AAK1: variants seen among roughly 807,000 people sequenced by gnomAD.
AAK1 encodes the protein AP2-associated protein kinase 1.
AAK1 carries 37 observed loss-of-function variants against 116.0 expected under a neutral mutation model. The observed-to-expected ratio is 0.32, with a 90% confidence interval of 0.25 to 0.42. The LOEUF (loss-of-function observed/expected upper bound fraction) is 0.42. Ranked by LOEUF, AAK1 falls within the 10% of genes least tolerant of loss-of-function variation. AAK1 has a pLI of 1.00. For synonymous variants in AAK1, 458 were observed against 439.9 expected, an observed-to-expected ratio of 1.04 and a Z score of -0.51; for missense variants, 919 against 1,170.6, an observed-to-expected ratio of 0.79 and a Z score of 3.14.
At chr2:69,530,496 C>A (rs965130311) in intron 7 of AAK1, 129 bp downstream of exon 7, 1 of 692,980 alleles carries the variant, frequency 1.4e-6, no homozygotes, top group South Asian at 2.2e-5. Flanking sequence ...TCAAGAATAA[C>A]CTTGAGGGGT....
chr2:69,475,819 G>T lies in AAK1; in HGVS notation c.*50C>A. 2.6e-6 allele frequency: 4 copies of T among 1,547,980 alleles called. No homozygotes were observed. Among genetic ancestry groups the T allele is most frequent in the Non-Finnish European group, 2.6e-6 (3 of 1,143,260 alleles). On this transcript the variant is annotated 3_prime_UTR_variant, in exon 22 of 22. Transcript: ENST00000409085. ...TTTTTCATAACTCCGTAATGAAAAT[G>T]TATTTTACGGTATGAAGGTTACAGA...
intron 10 of AAK1, 33 bp downstream of exon 10, chr2:69,525,000 A>G: frequency 6.3e-7 from 1 of 1,594,464 alleles, no homozygotes; most frequent in Non-Finnish European, 8.6e-7. Flanking sequence ...TGGCAATCCA[A>G]GGAGGACATG....
intron 8 of AAK1, among the ~76,000 whole-genome samples, chr2:69,529,576 G>A (rs1389322534): frequency 6.6e-6 from 1 of 152,162 alleles, no homozygotes; most frequent in African/African-American, 2.4e-5. Context: ...AGAAAAACCT[G>A]GTTCCACGGA....
chr2:69,474,442 G>C lies in AAK1; in HGVS notation c.*1427C>G, dbSNP rs1217688847. On this transcript the variant is annotated 3_prime_UTR_variant, in exon 22 of 22. Coordinates refer to ENST00000409085, the MANE Select transcript of AAK1 (RefSeq NM_014911.5). The stretch of plus-strand genomic sequence containing the variant: ...ACTTTAATGAGTAAGTACATATAGA[G>C]AGGGTGACCATGAGGCATGTTGTCA... The C allele has an allele frequency of 1.0e-6, 1 of 985,622 alleles. No individual in the cohort carries two copies. The highest frequency in any genetic ancestry group is 1.1e-4 in the East Asian group (1 of 8,834). 61.1% of individuals were successfully genotyped at this position (985,622 alleles called of 1,614,324 possible).
chr2:69,497,767 G>A (rs1035794761), intron 16 of AAK1, among the ~76,000 whole-genome samples: 10 of 152,114 alleles, frequency 6.6e-5, no homozygotes, highest in African/African-American at 2.4e-4. Context: ...ACCACAAGAA[G>A]TTCCTGCACA....
At chr2:69,523,601 C>T (rs181653008) in intron 10 of AAK1, among the ~76,000 whole-genome samples, 1 of 152,350 alleles carries the variant, frequency 6.6e-6, no homozygotes, top group Non-Finnish European at 1.5e-5. Context: ...ATCTCCTGCG[C>T]TACCTCTAGA....
intron 2 of AAK1, among the ~76,000 whole-genome samples, chr2:69,580,684 G>A (rs2105142037): frequency 6.6e-6 from 1 of 152,216 alleles, no homozygotes; most frequent in East Asian, 1.9e-4. Flanking sequence ...TTTTATTTCA[G>A]CTCGTTTAAG....
intron 2 of AAK1, among the ~76,000 whole-genome samples, chr2:69,565,293 G>C (rs1440160957): frequency 6.6e-6 from 1 of 152,226 alleles, no homozygotes; most frequent in Non-Finnish European, 1.5e-5. Context: ...CTTTAGGTGA[G>C]AGCTCCTGAT....
intron 16 of AAK1, among the ~76,000 whole-genome samples, chr2:69,498,407 G>C (rs1675837470): frequency 6.6e-6 from 1 of 151,900 alleles, no homozygotes; most frequent in Non-Finnish European, 1.5e-5. Flanking sequence ...TGAGGAGGAT[G>C]CTCTGGGGTC....
intron 2 of AAK1, among the ~76,000 whole-genome samples, chr2:69,561,767 C>T (rs531485396): frequency 3.5e-4 from 53 of 152,252 alleles, no homozygotes; most frequent in African/African-American, 1.2e-3. Context: ...CTCACCACCC[C>T]GTGTATTAAA....
intron 2 of AAK1, among the ~76,000 whole-genome samples, chr2:69,569,154 C>T (rs1365564982): frequency 6.6e-6 from 1 of 152,090 alleles, no homozygotes; most frequent in African/African-American, 2.4e-5. Flanking sequence ...TTCATTAGTC[C>T]CTTCGAGCCA....
chr2:69,500,698 T>TATATATACACACAC, intron 16 of AAK1, among the ~76,000 whole-genome samples: 35 of 65,088 alleles, frequency 5.4e-4, no homozygotes, highest in African/African-American at 2.4e-3. Context: ...TATATATATA[T>TATATATACACACAC]ACACACACAC....
chr2:69,623,682 C>T (rs760170355), intron 2 of AAK1, among the ~76,000 whole-genome samples: 6 of 152,118 alleles, frequency 3.9e-5, no homozygotes, highest in Non-Finnish European at 7.3e-5. Context: ...AACCCCACAA[C>T]TCTGAATGGC....
rs1327140752 is a variant in AAK1 at position 69,643,615 on chromosome 2, C to A, written c.-275G>T. On this transcript the variant is annotated 5_prime_UTR_variant, in exon 1 of 22. Transcript: ENST00000409085. ...GGCCGGCGCCCTGCTACCAGCCCCG[C>A]GACATTGTCACGGCCGCCGGGCCGG... The A allele has an allele frequency of 8.1e-7, 1 of 1,229,002 alleles. No homozygotes were observed. Among genetic ancestry groups the A allele is most frequent in the Non-Finnish European group, 1.0e-6 (1 of 986,274 alleles). The allele number at this position is 1,229,002 out of a possible 1,614,324, so 76.1% of individuals were successfully genotyped here.
intron 12 of AAK1, among the ~76,000 whole-genome samples, chr2:69,517,308 G>C (rs1676622127): frequency 6.6e-6 from 1 of 152,098 alleles, no homozygotes; most frequent in Non-Finnish European, 1.5e-5. Flanking sequence ...AAAACGTCCA[G>C]CCCTCAAATG....
intron 16 of AAK1, among the ~76,000 whole-genome samples, chr2:69,497,292 A>ATTT (rs1675782600): frequency 1.9e-5 from 2 of 107,424 alleles, no homozygotes; most frequent in African/African-American, 4.3e-5. Flanking sequence ...TTACATTATC[A>ATTT]TTCTTTTTTT....
chr2:69,604,921 A>C (rs939689150), intron 2 of AAK1, among the ~76,000 whole-genome samples: 4 of 152,190 alleles, frequency 2.6e-5, no homozygotes, highest in South Asian at 2.1e-4. Flanking sequence ...CTGAAAACTT[A>C]AGTCACCTCA....
At chr2:69,489,185 TCACC>T in intron 17 of AAK1, among the ~76,000 whole-genome samples, 1 of 151,146 alleles carries the variant, frequency 6.6e-6, no homozygotes, top group Non-Finnish European at 1.5e-5. Context: ...GCTATGGGGC[TCACC>T]CCTGTAATCC....
chr2:69,579,191 G>T (rs1371472193), intron 2 of AAK1, among the ~76,000 whole-genome samples: 19 of 151,984 alleles, frequency 1.3e-4, no homozygotes. Context: ...CCTCTCCAAG[G>T]CCCAGGACCT....
Sources: allele counts gnomAD v4.1 joint callset (sites outside exome capture counted in the v4.1 genomes callset), GRCh38; gene constraint gnomAD v4.1.1; transcripts MANE v1.5; gene names NCBI Gene and HGNC (gene_info 2026-07-23, HGNC 2026-07-21).